RASGEF1C: variants seen among roughly 807,000 people sequenced by gnomAD.
RASGEF1C encodes RasGEF domain family member 1C.
RASGEF1C carries 27 observed loss-of-function variants against 58.1 expected under a neutral mutation model. The observed-to-expected ratio is 0.46, with a 90% CI of 0.34 to 0.64. RASGEF1C has a LOEUF of 0.64. RASGEF1C is among the 30% of genes least tolerant of loss of function. The pLI, the probability that RASGEF1C is intolerant of heterozygous loss-of-function variation, is 0.01. For missense variants in RASGEF1C, 502 were observed against 605.1 expected (o/e 0.83, Z 1.79); for synonymous variants, 243 against 246.3 (o/e 0.99, Z 0.13).
intron 1 of RASGEF1C, among the ~76,000 whole-genome samples, chr5:180,149,088 C>CTTTTTTTTTTTTTTTTTTT (rs61204210): frequency 1.8e-5 from 2 of 110,160 alleles, no homozygotes; most frequent in Admixed American, 1.1e-4. Context: ...CTTTTTTTTT[C>CTTTTTTTTTTTTTTTTTTT]TTTTTTTTTT....
chr5:180,121,670 CACACACACA>C (rs770940295), intron 6 of RASGEF1C, among the ~76,000 whole-genome samples: 20,122 of 89,782 alleles, frequency 0.22, 1,473 homozygotes, highest in South Asian at 0.26. Context: ...CACACACACA[CACACACACA>C]CACCCTCATT....
intron 4 of RASGEF1C, among the ~76,000 whole-genome samples, chr5:180,133,043 G>C (rs1454908154): frequency 3.3e-5 from 5 of 151,308 alleles, no homozygotes; most frequent in African/African-American, 4.9e-5. Flanking sequence ...CTCTGTGGCC[G>C]GCCCAGTGGG....
intron 1 of RASGEF1C, among the ~76,000 whole-genome samples, chr5:180,151,600 A>G (rs1449926365): frequency 6.6e-6 from 1 of 151,852 alleles, no homozygotes; most frequent in Non-Finnish European, 1.5e-5. Context: ...TGTTAGACCT[A>G]AAACCATAAA....
intron 1 of RASGEF1C, among the ~76,000 whole-genome samples, chr5:180,201,626 C>A (rs558858823): frequency 1.1e-4 from 17 of 152,202 alleles, no homozygotes; most frequent in Admixed American, 9.2e-4. Flanking sequence ...AAAAACCACA[C>A]GCAACACCTC....
chr5:180,114,604 G>A, intron 10 of RASGEF1C, 63 bp from the exon 11 acceptor site: 2 of 1,507,274 alleles, frequency 1.3e-6, no homozygotes, highest in South Asian at 2.3e-5. Context: ...TCCAGGACGG[G>A]GGGCAGCCTT....
chr5:180,104,217 A>G (rs1457067375), intron 12 of RASGEF1C, among the ~76,000 whole-genome samples: 1 of 152,160 alleles, frequency 6.6e-6, no homozygotes, highest in African/African-American at 2.4e-5. Context: ...ATTCATGTTG[A>G]AACATAATCC....
chr5:180,195,717 A>C (rs372439072), intron 1 of RASGEF1C, among the ~76,000 whole-genome samples: 10 of 151,486 alleles, frequency 6.6e-5, no homozygotes, highest in Admixed American at 4.6e-4. Flanking sequence ...AGCCGAGATC[A>C]CACCACTACT....
intron 1 of RASGEF1C, among the ~76,000 whole-genome samples, chr5:180,204,542 A>G (rs928290147): frequency 6.6e-6 from 1 of 152,028 alleles, no homozygotes; most frequent in Admixed American, 6.6e-5. Flanking sequence ...TTATCTACAT[A>G]CATGGCTCTA....
chr5:180,132,091 G>A (rs1561738195), intron 4 of RASGEF1C, among the ~76,000 whole-genome samples: 4 of 152,294 alleles, frequency 2.6e-5, no homozygotes, highest in Admixed American at 2.0e-4. Context: ...CTGAACCACC[G>A]AGCATGTCAA....
At chr5:180,175,327 T>G (rs1396164400) in intron 1 of RASGEF1C, among the ~76,000 whole-genome samples, 1 of 152,164 alleles carries the variant, frequency 6.6e-6, no homozygotes, top group Non-Finnish European at 1.5e-5. Flanking sequence ...CCAGAGGAGC[T>G]TCTGGAAAAT....
At chr5:180,119,135 C>T (rs747507485) in intron 8 of RASGEF1C, among the ~76,000 whole-genome samples, 9 of 152,206 alleles carry the variant, frequency 5.9e-5, no homozygotes, top group Non-Finnish European at 7.4e-5. Context: ...CCAAACATCC[C>T]GAGGGGGCTG....
At chr5:180,195,717 A>G (rs372439072) in intron 1 of RASGEF1C, among the ~76,000 whole-genome samples, 31 of 151,580 alleles carry the variant, frequency 2.0e-4, no homozygotes, top group Middle Eastern at 3.4e-3. Context: ...AGCCGAGATC[A>G]CACCACTACT....
chr5:180,207,110 G>A (rs1032994370), intron 1 of RASGEF1C, among the ~76,000 whole-genome samples: 1 of 152,234 alleles, frequency 6.6e-6, no homozygotes, highest in African/African-American at 2.4e-5. Flanking sequence ...AGCTAACAGT[G>A]TGTCCGACTG....
intron 4 of RASGEF1C, 34 bp downstream of exon 4, chr5:180,136,343 AC>A (rs1561739634): frequency 1.3e-6 from 2 of 1,539,390 alleles, no homozygotes; most frequent in East Asian, 2.5e-5. Flanking sequence ...GACGGGAGGG[AC>A]CCAGGGTGAC....
chr5:180,117,816 A>G (rs938036294), intron 10 of RASGEF1C, among the ~76,000 whole-genome samples: 1 of 152,138 alleles, frequency 6.6e-6, no homozygotes, highest in Admixed American at 6.5e-5. Flanking sequence ...CAATATGGTG[A>G]AACTCCGCCT....
rs145300244 is a variant in RASGEF1C, at chr5:180,150,055, T to G, written c.-6-11997A>C. On this transcript the variant is annotated intron_variant, in intron 1 of 13. Transcript: ENST00000361132. Reference sequence around the variant, plus strand: ...ATTGCTTAGGTCCTGTAGGTTCTGTTCACTTTTTCAATCTTTTTTATTTTC... The same window carrying G: ...ATTGCTTAGGTCCTGTAGGTTCTGTGCACTTTTTCAATCTTTTTTATTTTC... Among the ~76,000 whole-genome samples the G allele has an allele frequency of 7.6e-4, 116 of 152,304 alleles. 1 individual carries two copies. Among genetic ancestry groups the G allele is most frequent in the Middle Eastern group, 3.4e-3 (1 of 294 alleles).
At chr5:180,202,230 A>G (rs1478251684) in intron 1 of RASGEF1C, among the ~76,000 whole-genome samples, 1 of 152,232 alleles carries the variant, frequency 6.6e-6, no homozygotes, top group Non-Finnish European at 1.5e-5. Context: ...AAACAAAAAT[A>G]AAATTCATAG....
intron 1 of RASGEF1C, among the ~76,000 whole-genome samples, chr5:180,140,859 G>A (rs1259435748): frequency 6.6e-6 from 1 of 152,224 alleles, no homozygotes; most frequent in Non-Finnish European, 1.5e-5. Context: ...GCTCGGCGGA[G>A]CGGGGGGCAA....
At chr5:180,195,722 A>G (rs1032258221) in intron 1 of RASGEF1C, among the ~76,000 whole-genome samples, 2 of 150,948 alleles carry the variant, frequency 1.3e-5, no homozygotes, top group East Asian at 2.0e-4. Flanking sequence ...AGATCACACC[A>G]CTACTGCACT....
Sources: gnomAD v4.1 joint callset for allele counts (sites outside exome capture counted in the v4.1 genomes callset) on GRCh38, gnomAD v4.1.1 for gene constraint, MANE v1.5 for transcripts, NCBI Gene and HGNC (gene_info 2026-07-23, HGNC 2026-07-21) for gene names.